The following ASB1 variants were observed in gnomAD, a reference collection of about 807,000 sequenced individuals.
ASB1 encodes the protein ankyrin repeat and SOCS box containing 1.
ASB1 carries 18 observed loss-of-function variants against 27.7 expected under a neutral mutation model. That is an observed-to-expected ratio of 0.65 (90% CI 0.45 to 0.96). ASB1 has a LOEUF of 0.96. Ranked by LOEUF, ASB1 falls within the 50% of genes least tolerant of loss-of-function variation. The pLI is 0.00. For synonymous variants in ASB1, 189 were observed against 187.6 expected (o/e 1.01, Z -0.06); for missense variants, 397 against 451.7 (o/e 0.88, Z 1.10).
At chr2:238,437,510 G>A (rs1051253598) in intron 3 of ASB1, among the ~76,000 whole-genome samples, 2 of 151,226 alleles carry the variant, frequency 1.3e-5, no homozygotes, top group Admixed American at 6.6e-5. Context: ...TATTACAGGC[G>A]TGAGCCACAG....
chr2:238,444,979 CTTTT>C (rs34563680), intron 4 of ASB1, among the ~76,000 whole-genome samples: 3 of 117,880 alleles, frequency 2.5e-5, no homozygotes, highest in African/African-American at 3.3e-5. Context: ...CTCGCGCTCT[CTTTT>C]TTTTTTTTTT....
At chr2:238,434,269 C>T (rs1297988552) in intron 2 of ASB1, among the ~76,000 whole-genome samples, 3 of 152,234 alleles carry the variant, frequency 2.0e-5, no homozygotes, top group African/African-American at 7.2e-5. Flanking sequence ...GCCCTTCCTT[C>T]GCAGCAAGTG....
At position 238,427,238 on chromosome 2, in the gene ASB1, A is replaced by G. The variant is rs942120992; in HGVS notation, c.49+119A>G. ...GGCTGGCCGGGTCCACGGGGCAGCC[A>G]GGGAGCCGCACCCTGCAGGCCGGGG... On this transcript the variant is annotated intron_variant, in intron 1 of 4. Transcript: ENST00000264607. The G allele has an allele frequency of 1.8e-5, 13 of 735,962 alleles. No individual in the cohort carries two copies. In the African/African-American group the frequency reaches 2.4e-4, roughly 13 times the overall value. 45.6% of individuals were successfully genotyped at this position (735,962 alleles called of 1,614,324 possible).
intron 3 of ASB1, among the ~76,000 whole-genome samples, chr2:238,440,424 C>T (rs747857684): frequency 3.4e-4 from 52 of 152,224 alleles, no homozygotes; most frequent in Non-Finnish European, 6.6e-4. Context: ...TTCTGCCTTT[C>T]GCGTTTACTA....
intron 1 of ASB1, among the ~76,000 whole-genome samples, chr2:238,430,361 CA>C (rs1386203707): frequency 1.3e-5 from 2 of 152,234 alleles, no homozygotes; most frequent in African/African-American, 4.8e-5. Flanking sequence ...GATTTCATCT[CA>C]AGAAACTGCT....
chr2:238,429,869 C>T (rs1481256359), intron 1 of ASB1, among the ~76,000 whole-genome samples: 1 of 149,056 alleles, frequency 6.7e-6, no homozygotes, highest in African/African-American at 2.5e-5. Context: ...ACCCGGGAGG[C>T]GGATCTTGCA....
intron 3 of ASB1, among the ~76,000 whole-genome samples, chr2:238,442,456 A>T (rs559154102): frequency 6.6e-6 from 1 of 152,288 alleles, no homozygotes; most frequent in African/African-American, 2.4e-5. Context: ...TTTTTCTTCT[A>T]GAAGCTCTTT....
At chr2:238,435,634 C>A in intron 2 of ASB1, 77 bp from the exon 3 acceptor site, 2 of 1,444,812 alleles carry the variant, frequency 1.4e-6, no homozygotes, top group Non-Finnish European at 1.9e-6. Flanking sequence ...GTCCATGCTG[C>A]CAGGGTGAGG....
At chr2:238,439,787 C>T (rs753168656) in intron 3 of ASB1, among the ~76,000 whole-genome samples, 10 of 152,082 alleles carry the variant, frequency 6.6e-5, no homozygotes, top group Non-Finnish European at 1.3e-4. Flanking sequence ...CCATTACTGC[C>T]GATACTCACT....
chr2:238,432,203 T>TA (rs1701883455), intron 1 of ASB1, among the ~76,000 whole-genome samples: 2 of 152,206 alleles, frequency 1.3e-5, no homozygotes, highest in Admixed American at 1.3e-4. Flanking sequence ...TCTGTACACT[T>TA]ACTAAAAACC....
At chr2:238,440,735 C>A (rs1362558911) in intron 3 of ASB1, among the ~76,000 whole-genome samples, 1 of 152,238 alleles carries the variant, frequency 6.6e-6, no homozygotes, top group African/African-American at 2.4e-5. Context: ...ATTTGGTCAT[C>A]TCTGAGTACA....
Position 238,444,665 on chromosome 2 carries a change from CAG to C in ASB1, c.821_822del (p.Glu274ValfsTer10). 6.2e-7 allele frequency: 1 copy of C among 1,614,090 alleles called. No homozygotes were observed. Among genetic ancestry groups the C allele is most frequent in the Non-Finnish European group, 8.5e-7 (1 of 1,180,024 alleles). On this transcript the variant is annotated frameshift_variant, in exon 4 of 5. Coordinates refer to ENST00000264607, the MANE Select transcript of ASB1 (RefSeq NM_001040445.3). LOFTEE classifies it high-confidence loss of function. ...CTAGTGAAGTGGGAATCGCTGGGCCCAGAGTCGAGAGGAAGAAGAAAAGTGGA... is the reference window on the plus strand; with the variant it reads ...CTAGTGAAGTGGGAATCGCTGGGCCCAGTCGAGAGGAAGAAGAAAAGTGGA...
At chr2:238,431,070 GC>G (rs1025585739) in intron 1 of ASB1, among the ~76,000 whole-genome samples, 12 of 152,218 alleles carry the variant, frequency 7.9e-5, no homozygotes, top group Non-Finnish European at 1.2e-4. Flanking sequence ...GCTAGGCATT[GC>G]CTTCTCCTCT....
chr2:238,435,039 ACTGGGAGCTCG>A (rs1326050533), intron 2 of ASB1: 1 of 151,700 alleles, frequency 6.6e-6, no homozygotes, highest in Non-Finnish European at 1.5e-5. Context: ...TCTCAGTGAC[ACTGGGAGCTCG>A]CTGTGAACCC....
At chr2:238,433,291 T>G in intron 1 of ASB1, 3 of 353,868 alleles carry the variant, frequency 8.5e-6, no homozygotes, top group Non-Finnish European at 5.3e-6. Context: ...TTTTCTGTGA[T>G]TTATTTCTTT....
At chr2:238,431,853 C>G (rs546132164) in intron 1 of ASB1, among the ~76,000 whole-genome samples, 2 of 152,214 alleles carry the variant, frequency 1.3e-5, no homozygotes, top group East Asian at 1.9e-4. Flanking sequence ...AAAACAATTA[C>G]AATAGTAACA....
Position 238,446,431 on chromosome 2 carries a change from G to C in ASB1, c.928G>C (p.Ala310Pro). 1 of 1,613,890 alleles carries C rather than the reference G, an allele frequency of 6.2e-7. No homozygotes were observed. Among genetic ancestry groups the C allele is most frequent in the Non-Finnish European group, 8.5e-7 (1 of 1,179,876 alleles). Residue 310 changes from alanine (A) to proline (P), a missense_variant, in exon 5 of 5, where the codon GCT becomes CCT. Coordinates refer to ENST00000264607, the MANE Select transcript of ASB1 (RefSeq NM_001040445.3). Reference protein sequence around the residue: ...LCLCRVAVRRALGKHRLHLIP... With the variant: ...LCLCRVAVRRPLGKHRLHLIP... ...TCTGTGCCGTGTGGCTGTGAGAAGA[G>C]CTCTTGGCAAACACCGGCTTCATCT... is the stretch of plus-strand genomic sequence containing the variant.
intron 2 of ASB1, 128 bp downstream of exon 2, chr2:238,433,823 C>T (rs760001099): frequency 3.7e-5 from 42 of 1,150,388 alleles, no homozygotes; most frequent in African/African-American, 1.1e-4. Context: ...TTTTAGAGGA[C>T]GGGGATAAAG....
chr2:238,447,738 C>G lies in ASB1; in HGVS notation c.*1227C>G, dbSNP rs963836489. On this transcript the variant is annotated 3_prime_UTR_variant, in exon 5 of 5. Transcript: ENST00000264607. Reference sequence around the variant, plus strand: ...TAGACTTCAGATATATTTAGGAAGGCGCAGATTTCAAATCTGTGTTTGATT... The same window carrying G: ...TAGACTTCAGATATATTTAGGAAGGGGCAGATTTCAAATCTGTGTTTGATT... 1 of 152,206 alleles carries G rather than the reference C, an allele frequency of 6.6e-6. No individual in the cohort carries two copies. The highest frequency in any genetic ancestry group is 1.5e-5 in the Non-Finnish European group (1 of 68,040). The allele number at this position is 152,206 out of a possible 1,614,324, so 9.4% of individuals were successfully genotyped here.
Sources: allele counts gnomAD v4.1 joint callset (sites outside exome capture counted in the v4.1 genomes callset), GRCh38; gene constraint gnomAD v4.1.1; transcripts MANE v1.5; gene names NCBI Gene and HGNC (gene_info 2026-07-23, HGNC 2026-07-21).